Variants in GPATCH8 observed in about 807,000 individuals in gnomAD.
GPATCH8 encodes G-patch domain containing 8.
In GPATCH8, 18 loss-of-function variants were observed where a neutral mutation model predicts 118.3. That is an observed-to-expected ratio of 0.15 (90% CI 0.11 to 0.23). The LOEUF is 0.23. Ranked by LOEUF, GPATCH8 falls within the 10% of genes least tolerant of loss-of-function variation. The pLI is 1.00. For missense variants in GPATCH8, 1,631 were observed against 1,873.8 expected, an observed-to-expected ratio of 0.87 and a Z score of 2.39; for synonymous variants, 659 against 684.7, an observed-to-expected ratio of 0.96 and a Z score of 0.59.
chr17:44,397,427 C>A lies in GPATCH8; in HGVS notation c.*141G>T, dbSNP rs761043111. The stretch of plus-strand genomic sequence containing the variant: ...AGCAAACTTCAAATCTAAACCCACC[C>A]CTGCAAGCCAAAACTCAATTCTTTG... On this transcript the variant is annotated 3_prime_UTR_variant, in exon 8 of 8. Coordinates refer to ENST00000591680, the MANE Select transcript of GPATCH8 (RefSeq NM_001002909.4). 5.6e-6 allele frequency: 4 copies of A among 718,442 alleles called. No homozygotes were observed. The South Asian group carries it at 6.0e-5, about 11-fold the overall frequency. 44.5% of individuals were successfully genotyped at this position (718,442 alleles called of 1,614,324 possible).
intron 7 of GPATCH8, among the ~76,000 whole-genome samples, chr17:44,403,057 G>A (rs1486288237): frequency 6.6e-6 from 1 of 151,946 alleles, no homozygotes; most frequent in Non-Finnish European, 1.5e-5. Context: ...ATGACTACAG[G>A]TGCACCTCAC....
chr17:44,430,195 CTGAG>C (rs1292518015), intron 5 of GPATCH8, among the ~76,000 whole-genome samples: 1 of 151,942 alleles, frequency 6.6e-6, no homozygotes, highest in Non-Finnish European at 1.5e-5. Flanking sequence ...CTAATTTATT[CTGAG>C]TATTACCCTG....
chr17:44,470,398 G>A (rs189846722), intron 2 of GPATCH8, among the ~76,000 whole-genome samples: 19 of 151,250 alleles, frequency 1.3e-4, no homozygotes, highest in African/African-American at 3.2e-4. Context: ...GGGTTTCACC[G>A]TGTTAGCCAG....
chr17:44,485,294 T>A (rs1025618225), intron 1 of GPATCH8, among the ~76,000 whole-genome samples: 3 of 152,162 alleles, frequency 2.0e-5, no homozygotes, highest in Non-Finnish European at 4.4e-5. Flanking sequence ...AAATTTTTTT[T>A]TGTAGACTTG....
At chr17:44,464,336 C>G (rs2051677129) in intron 3 of GPATCH8, 136 bp downstream of exon 3, 19 of 751,226 alleles carry the variant, frequency 2.5e-5, no homozygotes, top group South Asian at 2.4e-4. Flanking sequence ...ATAGGACAAA[C>G]AGACTACTCT....
intron 3 of GPATCH8, among the ~76,000 whole-genome samples, chr17:44,442,120 T>G (rs35696903): frequency 0.052 from 6,556 of 126,154 alleles, 171 homozygotes; most frequent in African/African-American, 0.065. Flanking sequence ...TATATATATA[T>G]ATAGAGAGAG....
intron 3 of GPATCH8, among the ~76,000 whole-genome samples, chr17:44,448,514 GGAAGAAGGAGGAA>G (rs1389633040): frequency 2.9e-5 from 3 of 102,278 alleles, no homozygotes; most frequent in East Asian, 3.2e-4. Context: ...GGGGGGGGGG[GGAAGAAGGAGGAA>G]GAAGAAGAAG....
chr17:44,400,709 C>G lies in GPATCH8; in HGVS notation c.1368G>C (p.Lys456Asn). The G allele has an allele frequency of 6.2e-7, 1 of 1,611,114 alleles. No homozygotes were observed. Among genetic ancestry groups the G allele is most frequent in the East Asian group, 2.2e-5 (1 of 44,824 alleles). The change falls in exon 8 of 8, where the codon AAG becomes AAC. Residue 456 changes from lysine to asparagine, a missense_variant. Physicochemically the swap from Lys to Asn is moderately conservative, Grantham distance 94. Transcript: ENST00000591680. ...GCTGCTCAGAGACTTCACTAACTGT[C>G]TTTTCTGCTCCTTGGCTTGCTGCCG... The part of the protein sequence containing the change: ...IKAAASQGAE[K>N]TVSEVSEQPK...
intron 1 of GPATCH8, among the ~76,000 whole-genome samples, chr17:44,477,522 G>C (rs7502979): frequency 0.6 from 90,372 of 151,832 alleles, 27,074 homozygotes; most frequent in Middle Eastern, 0.67. Context: ...CGCCACACCA[G>C]TACACTTGGC....
intron 1 of GPATCH8, among the ~76,000 whole-genome samples, chr17:44,476,930 C>A (rs1967826497): frequency 6.6e-6 from 1 of 152,158 alleles, no homozygotes; most frequent in Admixed American, 6.5e-5. Context: ...GCTTTTAAAT[C>A]AAAATATCAA....
At chr17:44,422,317 G>T (rs1033287773) in intron 6 of GPATCH8, among the ~76,000 whole-genome samples, 3 of 151,848 alleles carry the variant, frequency 2.0e-5, no homozygotes, top group Admixed American at 2.0e-4. Flanking sequence ...GAGTAGCTGC[G>T]ATTACACATG....
At chr17:44,422,594 A>C (rs972859089) in intron 6 of GPATCH8, among the ~76,000 whole-genome samples, 1 of 151,218 alleles carries the variant, frequency 6.6e-6, no homozygotes, top group African/African-American at 2.4e-5. Context: ...GGTTCACGCC[A>C]TTCTCCTGCC....
At chr17:44,459,973 A>C (rs1050305847) in intron 3 of GPATCH8, among the ~76,000 whole-genome samples, 5 of 152,212 alleles carry the variant, frequency 3.3e-5, no homozygotes, top group Non-Finnish European at 1.5e-5. Flanking sequence ...GTCACCAAAG[A>C]ATCAGCCAAA....
chr17:44,432,227 A>G (rs904814736), intron 5 of GPATCH8, among the ~76,000 whole-genome samples: 1 of 152,158 alleles, frequency 6.6e-6, no homozygotes, highest in Non-Finnish European at 1.5e-5. Context: ...ACAAATTATC[A>G]TTTAACAGAT....
intron 1 of GPATCH8, among the ~76,000 whole-genome samples, chr17:44,503,085 C>A (rs563995634): frequency 6.6e-6 from 1 of 152,338 alleles, no homozygotes; most frequent in African/African-American, 2.4e-5. Context: ...AAATCCGATG[C>A]CAAACAGGCG....
chr17:44,478,547 T>C (rs1439420915), intron 1 of GPATCH8, among the ~76,000 whole-genome samples: 7 of 151,938 alleles, frequency 4.6e-5, no homozygotes, highest in Non-Finnish European at 1.0e-4. Context: ...CCTATAGTCC[T>C]AGCTACTAGG....
intron 5 of GPATCH8, among the ~76,000 whole-genome samples, chr17:44,432,810 T>A (rs2050366890): frequency 1.3e-5 from 2 of 152,216 alleles, no homozygotes; most frequent in Middle Eastern, 3.4e-3. Flanking sequence ...AACAGTGTAG[T>A]TCAGAGTTGA....
intron 6 of GPATCH8, among the ~76,000 whole-genome samples, chr17:44,412,080 G>A (rs1342048286): frequency 2.6e-5 from 4 of 151,632 alleles, no homozygotes; most frequent in Non-Finnish European, 5.9e-5. Context: ...GCGCCACCAC[G>A]CCTGGCTAAT....
chr17:44,482,219 G>A (rs1281623863), intron 1 of GPATCH8, among the ~76,000 whole-genome samples: 1 of 151,990 alleles, frequency 6.6e-6, no homozygotes, highest in Non-Finnish European at 1.5e-5. Context: ...GGGCCTGTCA[G>A]TGGGTGGGGG....
Sources: gnomAD v4.1 joint callset for allele counts (sites outside exome capture counted in the v4.1 genomes callset) on GRCh38, gnomAD v4.1.1 for gene constraint, MANE v1.5 for transcripts, NCBI Gene and HGNC (gene_info 2026-07-23, HGNC 2026-07-21) for gene names.